The following PTPRF variants were observed in gnomAD, a reference collection of about 807,000 sequenced individuals.
PTPRF encodes the protein protein tyrosine phosphatase receptor type F.
A neutral mutation model predicts 201.8 loss-of-function variants in PTPRF; 59 were observed. The ratio of observed to expected loss-of-function variants is 0.29; its 90% CI spans 0.24 to 0.36. PTPRF has a LOEUF of 0.36. Among genes scored for constraint, PTPRF ranks in the 10% least tolerant of loss-of-function variants. PTPRF has a pLI of 1.00. For synonymous variants in PTPRF, 1,088 were observed against 1,089.7 expected (o/e 1.00, Z 0.03); for missense variants, 2,132 against 2,690.5 (o/e 0.79, Z 4.59).
chr1:43,589,146 A>C, intron 8 of PTPRF, 146 bp downstream of exon 8: 4 of 934,118 alleles, frequency 4.3e-6, no homozygotes, highest in Middle Eastern at 3.4e-4. Context: ...GGGGTCCTCC[A>C]GCCCTTAGAG....
upstream of PTPRF, among the ~76,000 whole-genome samples, chr1:43,528,077 G>C (rs974192724): frequency 9.9e-5 from 15 of 152,230 alleles, no homozygotes; most frequent in African/African-American, 3.6e-4. Context: ...CAGGGAGATA[G>C]GCACAGATAC....
chr1:43,589,624 A>C lies in PTPRF; in HGVS notation c.949+624A>C, dbSNP rs1197251617. ...GTAAGCCTAGCGCTTTGGGAGGCCA[A>C]GTTGGAAGGATTGCTTGAGCTCAGG... On this transcript the variant is annotated intron_variant, in intron 8 of 33. Transcript: ENST00000359947. Among the ~76,000 whole-genome samples, 4 of 150,026 alleles carry C rather than the reference A, an allele frequency of 2.7e-5. No homozygotes were observed. The East Asian group carries it at 7.9e-4, about 30-fold the overall frequency.
chr1:43,568,410 C>T (rs776221597), intron 5 of PTPRF, among the ~76,000 whole-genome samples: 5 of 152,210 alleles, frequency 3.3e-5, no homozygotes, highest in Admixed American at 6.5e-5. Context: ...CTGTCTGCCC[C>T]AGTGGCTCAG....
chr1:43,590,338 G>A (rs1650336209), intron 8 of PTPRF, among the ~76,000 whole-genome samples: 1 of 152,210 alleles, frequency 6.6e-6, no homozygotes, highest in Admixed American at 6.5e-5. Flanking sequence ...CTTGTACTGA[G>A]GTGTAAACTC....
intron 22 of PTPRF, chr1:43,612,654 G>A: frequency 2.1e-6 from 2 of 958,576 alleles, no homozygotes; most frequent in South Asian, 1.4e-5. Flanking sequence ...CCCCTCGCAA[G>A]CCCGCTCGGC....
At chr1:43,613,550 G>A (rs1043063044) in intron 22 of PTPRF, 68 bp from the exon 23 acceptor site, 23 of 1,303,008 alleles carry the variant, frequency 1.8e-5, no homozygotes, top group Middle Eastern at 3.6e-4. Context: ...TACATGCGTT[G>A]GGGCTTTCTC....
At chr1:43,533,317 A>G (rs1643795616) in intron 1 of PTPRF, among the ~76,000 whole-genome samples, 1 of 152,118 alleles carries the variant, frequency 6.6e-6, no homozygotes, top group Non-Finnish European at 1.5e-5. Context: ...TTGGTGAAGG[A>G]ATTTGGCGGG....
At position 43,541,012 on chromosome 1, in the gene PTPRF, C is replaced by T. The variant is rs898901103; in HGVS notation, c.-46+2735C>T. Among the ~76,000 whole-genome samples the T allele has an allele frequency of 3.3e-5, 5 of 152,260 alleles. No homozygotes were observed. The South Asian group carries it at 6.2e-4, about 19-fold the overall frequency. On this transcript the variant is annotated intron_variant, in intron 2 of 33. Transcript: ENST00000359947. ...GGACATGACAAAAGGGCTCGGTTAG[C>T]TGCCCGCTGGTTAGAAGATGAACGG...
At chr1:43,574,443 T>G (rs1646790974) in intron 6 of PTPRF, among the ~76,000 whole-genome samples, 1 of 152,200 alleles carries the variant, frequency 6.6e-6, no homozygotes, top group Non-Finnish European at 1.5e-5. Flanking sequence ...GTTATTTTTT[T>G]AAAACAAAAA....
chr1:43,540,589 C>T (rs780604248), intron 2 of PTPRF, among the ~76,000 whole-genome samples: 39 of 152,222 alleles, frequency 2.6e-4, no homozygotes, highest in Non-Finnish European at 4.8e-4. Flanking sequence ...GAGTTAGTCT[C>T]CTGCTGACCC....
chr1:43,544,903 G>T (rs183920519), intron 2 of PTPRF, 128 bp from the exon 3 acceptor site: 11 of 608,200 alleles, frequency 1.8e-5, no homozygotes, highest in South Asian at 8.3e-5. Flanking sequence ...CAGCCCAAGT[G>T]GGGGGCTCTG....
chr1:43,528,438 G>C (rs578173560), upstream of PTPRF: 1 of 152,140 alleles, frequency 6.6e-6, no homozygotes, highest in Non-Finnish European at 1.5e-5. Context: ...TGATCTGCCC[G>C]CCTCAGCCCC....
intron 2 of PTPRF, 140 bp from the exon 3 acceptor site, chr1:43,544,891 C>T: frequency 1.7e-6 from 1 of 579,240 alleles, no homozygotes; most frequent in Non-Finnish European, 3.0e-6. Context: ...GTGGTCATTG[C>T]ACAGCCCAAG....
rs774493017 is a variant in PTPRF, at chr1:43,609,422, G to T, written c.3897G>T (p.Ser1299=). Residue 1299 remains serine (S), a synonymous_variant, in exon 22 of 34, where the codon TCG becomes TCT. Coordinates refer to ENST00000359947, the MANE Select transcript of PTPRF (RefSeq NM_002840.5). ...CTCCGTCCTCTAAGGATGAGCAGTC[G>T]ATCGGACTGAAGGACTCCTTGCTGG... ...THSPSSKDEQ[S]IGLKDSLLAH... is the part of the protein sequence containing the mutation. 3.7e-6 allele frequency: 6 copies of T among 1,614,050 alleles called. No homozygotes were observed. The South Asian group carries it at 5.5e-5, about 15-fold the overall frequency.
At chr1:43,524,291 C>T (rs1236249231), upstream of PTPRF, among the ~76,000 whole-genome samples, 1 of 152,068 alleles carries the variant, frequency 6.6e-6, no homozygotes, top group Non-Finnish European at 1.5e-5. Context: ...ACCAAAATCT[C>T]AGAATTCACC....
In PTPRF at chr1:43,591,434, T is replaced by G; in HGVS notation, c.1412T>G (p.Leu471Arg). ...AWHKHNTDAG[L>R]LTTVGSLLPG... is the part of the protein sequence containing the mutation. The stretch of plus-strand genomic sequence containing the variant: ...CACAAGCACAACACCGACGCGGGGC[T>G]CCTCACGACCGTGGGCAGCCTGCTG... The change falls in exon 9 of 34, where the codon CTC (leucine) becomes CGC (arginine). Residue 471 changes from leucine to arginine, a missense_variant. By Grantham distance (102) the Leu-to-Arg change is moderately radical. This residue lies in a region of PTPRF where 351 missense variants were observed against 401.7 expected (regional missense o/e 0.87). Transcript: ENST00000359947. 3 of 1,588,632 alleles carry G rather than the reference T, an allele frequency of 1.9e-6. No individual in the cohort carries two copies. The South Asian group carries it at 3.4e-5, about 18-fold the overall frequency.
At chr1:43,607,015 C>G (rs1311388459) in intron 21 of PTPRF, 47 bp downstream of exon 21, 1 of 1,600,384 alleles carries the variant, frequency 6.2e-7, no homozygotes, top group South Asian at 1.1e-5. Flanking sequence ...TGCCCCTCGC[C>G]TTTCAGGCCC....
chr1:43,547,818 T>C (rs1014664743), intron 3 of PTPRF, among the ~76,000 whole-genome samples: 11 of 152,160 alleles, frequency 7.2e-5, no homozygotes, highest in African/African-American at 2.7e-4. Context: ...TGGGCACACA[T>C]TGGGGTAGGA....
intron 7 of PTPRF, among the ~76,000 whole-genome samples, chr1:43,586,959 T>C (rs757794600): frequency 2.0e-5 from 3 of 152,168 alleles, no homozygotes; most frequent in Non-Finnish European, 4.4e-5. Flanking sequence ...ATGGGAATGC[T>C]CATTGATTTG....
Sources: allele counts gnomAD v4.1 joint callset (sites outside exome capture counted in the v4.1 genomes callset), GRCh38; gene constraint gnomAD v4.1.1; regional missense constraint gnomAD v4.1.1; transcripts MANE v1.5; gene names NCBI Gene and HGNC (gene_info 2026-07-23, HGNC 2026-07-21).